ITPR1: variants seen among roughly 807,000 people sequenced by gnomAD.
The protein encoded by ITPR1 is inositol 1,4,5-trisphosphate receptor type 1.
In ITPR1, 96 loss-of-function variants were observed where a neutral mutation model predicts 318.4. The observed-to-expected ratio is 0.30, with a 90% confidence interval of 0.26 to 0.36. ITPR1 has a LOEUF of 0.36. Among genes scored for constraint, ITPR1 ranks in the 10% least tolerant of loss-of-function variants. ITPR1 has a pLI of 1.00. For missense variants in ITPR1, 2,440 were observed against 3,460.2 expected (o/e 0.71, Z 7.40); for synonymous variants, 1,312 against 1,289.9 (o/e 1.02, Z -0.37).
chr3:4,724,413 T>A (rs1401261185), intron 40 of ITPR1: 1 of 152,248 alleles, frequency 6.6e-6, no homozygotes, highest in Non-Finnish European at 1.5e-5. Flanking sequence ...TTTCGTAGTG[T>A]CACTCATCTC....
chr3:4,535,844 C>T (rs944129677), intron 4 of ITPR1, among the ~76,000 whole-genome samples: 3 of 152,104 alleles, frequency 2.0e-5, no homozygotes, highest in Admixed American at 2.0e-4. Flanking sequence ...GTGGGGCCAA[C>T]GTCTCCTAGT....
rs1359373514 is a variant in ITPR1, at chr3:4,792,390, C to T, written c.6809-2675C>T. On this transcript the variant is annotated intron_variant, in intron 52 of 61. Coordinates refer to ENST00000649015, the MANE Select transcript of ITPR1 (RefSeq NM_001378452.1). ...CTTTTTATTGCTGTATAACAAATTG[C>T]CCCAACATGTCGTGACTTAAAACAA... Among the ~76,000 whole-genome samples the T allele has an allele frequency of 2.0e-5, 3 of 152,190 alleles. No homozygotes were observed. In the East Asian group the frequency reaches 5.8e-4, roughly 29 times the overall value.
intron 36 of ITPR1, among the ~76,000 whole-genome samples, chr3:4,704,564 G>GA (rs556705806): frequency 1.9e-4 from 29 of 149,290 alleles, no homozygotes; most frequent in East Asian, 1.6e-3. Context: ...TTGGAAAAAA[G>GA]AAAAAAAAAA....
intron 4 of ITPR1, among the ~76,000 whole-genome samples, chr3:4,527,857 T>G (rs2083106381): frequency 6.6e-6 from 1 of 152,158 alleles, no homozygotes; most frequent in Admixed American, 6.5e-5. Flanking sequence ...TAGCCCCTTT[T>G]AGTAGCATGC....
chr3:4,616,079 T>C (rs2092377132), intron 4 of ITPR1, among the ~76,000 whole-genome samples: 2 of 152,234 alleles, frequency 1.3e-5, no homozygotes, highest in Non-Finnish European at 2.9e-5. Context: ...GAAATGTGAT[T>C]AGCATGCAGC....
At chr3:4,500,957 G>C (rs937727832) in intron 2 of ITPR1, among the ~76,000 whole-genome samples, 3 of 152,034 alleles carry the variant, frequency 2.0e-5, no homozygotes, top group African/African-American at 7.2e-5. Context: ...AGGCACAAGC[G>C]ATCCTCTCAC....
chr3:4,639,056 C>G (rs1389400862), intron 5 of ITPR1, among the ~76,000 whole-genome samples: 3 of 152,146 alleles, frequency 2.0e-5, no homozygotes, highest in Admixed American at 6.5e-5. Flanking sequence ...TATAAAGGGG[C>G]TATGCAAATT....
intron 37 of ITPR1, among the ~76,000 whole-genome samples, chr3:4,707,823 CTGTACAG>C (rs2094791707): frequency 6.6e-6 from 1 of 152,164 alleles, no homozygotes; most frequent in Non-Finnish European, 1.5e-5. Context: ...TACTGAGTCT[CTGTACAG>C]TTACACAACC....
At chr3:4,759,808 T>A (rs77650418) in intron 44 of ITPR1, among the ~76,000 whole-genome samples, 2 of 152,322 alleles carry the variant, frequency 1.3e-5, no homozygotes, top group East Asian at 3.9e-4. Context: ...CTGTGATCTG[T>A]GTTCTCTTGC....
intron 2 of ITPR1, among the ~76,000 whole-genome samples, chr3:4,495,666 T>C (rs2080497818): frequency 6.6e-6 from 1 of 152,222 alleles, no homozygotes. Flanking sequence ...TAAGTACTTG[T>C]AAGCCAGGTC....
At chr3:4,609,012 A>C (rs866749872) in intron 4 of ITPR1, among the ~76,000 whole-genome samples, 30 of 135,710 alleles carry the variant, frequency 2.2e-4, no homozygotes, top group African/African-American at 6.1e-4. Context: ...AAAAAAAAAA[A>C]AAAAAAAAAA....
intron 4 of ITPR1, among the ~76,000 whole-genome samples, chr3:4,590,452 T>C (rs570636698): frequency 2.0e-5 from 3 of 151,560 alleles, no homozygotes; most frequent in Admixed American, 6.6e-5. Flanking sequence ...TGGCCCTGGT[T>C]GGACAGAAGC....
intron 4 of ITPR1, among the ~76,000 whole-genome samples, chr3:4,620,009 T>C (rs2092565278): frequency 6.6e-6 from 1 of 152,144 alleles, no homozygotes; most frequent in Non-Finnish European, 1.5e-5. Context: ...TTGGTTATTA[T>C]TTCCAGTCTT....
At chr3:4,639,220 G>C (rs183034034) in intron 5 of ITPR1, among the ~76,000 whole-genome samples, 164 bp from the exon 6 acceptor site, 1 of 152,330 alleles carries the variant, frequency 6.6e-6, no homozygotes, top group African/African-American at 2.4e-5. Flanking sequence ...TGGATGGGCT[G>C]TTTGAACCCC....
intron 44 of ITPR1, among the ~76,000 whole-genome samples, chr3:4,742,752 C>T (rs1050739887): frequency 5.3e-5 from 8 of 152,182 alleles, no homozygotes; most frequent in African/African-American, 1.7e-4. Flanking sequence ...GACCACCATG[C>T]TCGGTTCTAA....
In ITPR1 at chr3:4,826,087, T is replaced by C. The variant is rs1230539174; in HGVS notation, c.8028+7845T>C. On this transcript the variant is annotated intron_variant, in intron 60 of 61. Coordinates refer to ENST00000649015, the MANE Select transcript of ITPR1 (RefSeq NM_001378452.1). This position sits in a 1 kb window ranked among gnomAD's most constrained non-coding sequence, Gnocchi z 4.2. ...GCACTTAACCCTGGTCTGACCTTTC[T>C]GCCCGCCTGTGCACCTCCTCTGTGC... is the stretch of plus-strand genomic sequence containing the variant. 6.6e-6 allele frequency among the ~76,000 whole-genome samples: 1 copy of C among 152,234 alleles called. No individual in the cohort carries two copies. Among genetic ancestry groups the C allele is most frequent in the East Asian group, 1.9e-4 (1 of 5,196 alleles).
At chr3:4,612,421 C>A (rs776519401) in intron 4 of ITPR1, among the ~76,000 whole-genome samples, 1 of 152,236 alleles carries the variant, frequency 6.6e-6, no homozygotes, top group East Asian at 1.9e-4. Context: ...GTCCTGGGCC[C>A]AATCCCCCAT....
intron 52 of ITPR1, among the ~76,000 whole-genome samples, chr3:4,794,700 G>A (rs1006535390): frequency 3.3e-5 from 5 of 151,956 alleles, no homozygotes; most frequent in African/African-American, 1.2e-4. Flanking sequence ...CATCTCATCT[G>A]GTCCCAGAGC....
rs138037544 is a variant in ITPR1, at chr3:4,535,316, C to T, written c.163+14222C>T. 3.3e-5 allele frequency among the ~76,000 whole-genome samples: 5 copies of T among 151,790 alleles called. No homozygotes were observed. In the East Asian group the frequency reaches 7.8e-4, roughly 24 times the overall value. ...CAGCATTATTTCCAGTTGTCCCCTA[C>T]AGGGTACAAACTAACAAGGCAAGAT... On this transcript the variant is annotated intron_variant, in intron 4 of 61. Transcript: ENST00000649015.
Sources: allele counts gnomAD v4.1 joint callset (sites outside exome capture counted in the v4.1 genomes callset), GRCh38; gene constraint gnomAD v4.1.1; non-coding constraint Gnocchi (gnomAD v3.1); transcripts MANE v1.5; gene names NCBI Gene and HGNC (gene_info 2026-07-23, HGNC 2026-07-21).